The following CDH18 variants were observed in gnomAD, a reference collection of about 807,000 sequenced individuals.
CDH18 encodes the protein cadherin-18.
CDH18 carries 31 observed loss-of-function variants against 67.9 expected under a neutral mutation model. The ratio of observed to expected loss-of-function variants is 0.46; its 90% CI spans 0.34 to 0.62. The LOEUF (loss-of-function observed/expected upper bound fraction) is 0.62. CDH18 is among the 20% of genes least tolerant of loss of function. The pLI is 0.01. For synonymous variants in CDH18, 362 were observed against 347.2 expected (o/e 1.04, Z -0.48); for missense variants, 890 against 975.5 (o/e 0.91, Z 1.17).
chr5:19,723,692 AT>A (rs1766422483), intron 4 of CDH18, among the ~76,000 whole-genome samples: 1 of 152,024 alleles, frequency 6.6e-6, no homozygotes, highest in South Asian at 2.1e-4. Context: ...TGAATAGGGC[AT>A]TTTATTTTTT....
chr5:20,166,309 C>A (rs560283473), intron 2 of CDH18, among the ~76,000 whole-genome samples: 1 of 151,308 alleles, frequency 6.6e-6, no homozygotes. Flanking sequence ...GGCTTGATGG[C>A]GGGCACCTGT....
chr5:20,013,683 C>A (rs1407375876), intron 2 of CDH18, among the ~76,000 whole-genome samples: 2 of 152,040 alleles, frequency 1.3e-5, no homozygotes, highest in Admixed American at 6.6e-5. Flanking sequence ...ATAGATATTA[C>A]AATCAAGCAT....
intron 9 of CDH18, among the ~76,000 whole-genome samples, chr5:19,537,266 C>A (rs1330409995): frequency 1.3e-5 from 2 of 152,096 alleles, no homozygotes; most frequent in East Asian, 3.9e-4. Flanking sequence ...AGCAGTCTGC[C>A]TGCCTTCAGA....
intron 2 of CDH18, among the ~76,000 whole-genome samples, chr5:20,155,943 C>T (rs1199910759): frequency 1.3e-5 from 2 of 151,632 alleles, no homozygotes; most frequent in East Asian, 3.9e-4. Flanking sequence ...ATCTATTTTC[C>T]AAGAAGATAT....
intron 5 of CDH18, among the ~76,000 whole-genome samples, chr5:19,627,882 G>T (rs1416768693): frequency 2.0e-5 from 3 of 152,186 alleles, no homozygotes; most frequent in African/African-American, 4.8e-5. Flanking sequence ...AACCAGTGAT[G>T]ATATCAGAAT....
At chr5:20,262,356 C>G (rs1331182819) in intron 1 of CDH18, among the ~76,000 whole-genome samples, 1 of 152,162 alleles carries the variant, frequency 6.6e-6, no homozygotes, top group Non-Finnish European at 1.5e-5. Flanking sequence ...AATATGTTTT[C>G]ACAATGTTGG....
At chr5:19,699,654 G>GTGTC (rs1187867489) in intron 5 of CDH18, among the ~76,000 whole-genome samples, 1 of 151,612 alleles carries the variant, frequency 6.6e-6, no homozygotes, top group East Asian at 1.9e-4. Flanking sequence ...GTGTGTGTGT[G>GTGTC]TGTGTGTGTG....
intron 3 of CDH18, among the ~76,000 whole-genome samples, chr5:19,820,364 A>T (rs921247198): frequency 3.9e-5 from 6 of 152,158 alleles, no homozygotes; most frequent in African/African-American, 1.2e-4. Flanking sequence ...AGAAACCAAC[A>T]GGGGAGTGAC....
chr5:20,029,654 G>A (rs944648924), intron 2 of CDH18, among the ~76,000 whole-genome samples: 2 of 152,116 alleles, frequency 1.3e-5, no homozygotes, highest in Non-Finnish European at 2.9e-5. Context: ...TGGCTTTTCT[G>A]TGAAACAGAA....
At chr5:20,118,105 G>T (rs908808416) in intron 2 of CDH18, among the ~76,000 whole-genome samples, 1 of 152,102 alleles carries the variant, frequency 6.6e-6, no homozygotes, top group Non-Finnish European at 1.5e-5. Flanking sequence ...AAAAATAAAT[G>T]TCATTAGCAA....
intron 8 of CDH18, among the ~76,000 whole-genome samples, chr5:19,569,798 C>A (rs1014950659): frequency 6.6e-6 from 1 of 151,940 alleles, no homozygotes; most frequent in Non-Finnish European, 1.5e-5. Context: ...TGTAAAGAAA[C>A]GATACATATT....
chr5:20,114,384 G>T (rs1035151340), intron 2 of CDH18, among the ~76,000 whole-genome samples: 1 of 151,902 alleles, frequency 6.6e-6, no homozygotes, highest in Admixed American at 6.6e-5. Context: ...CCTGAGACCC[G>T]ATAATATTTA....
intron 1 of CDH18, among the ~76,000 whole-genome samples, chr5:20,278,923 G>T (rs553784081): frequency 6.6e-6 from 1 of 151,910 alleles, no homozygotes; most frequent in African/African-American, 2.4e-5. Context: ...TAAAATACAT[G>T]ACCAGAGAAA....
At chr5:20,395,340 G>T (rs752442697) in intron 1 of CDH18, among the ~76,000 whole-genome samples, 1 of 152,118 alleles carries the variant, frequency 6.6e-6, no homozygotes, top group Non-Finnish European at 1.5e-5. Context: ...CAGCTCAGGG[G>T]TGAAAAACCA....
chr5:20,472,985 G>GT (rs1752191782), intron 1 of CDH18, among the ~76,000 whole-genome samples: 1 of 152,142 alleles, frequency 6.6e-6, no homozygotes, highest in Non-Finnish European at 1.5e-5. Flanking sequence ...ATCATAAGCA[G>GT]TACATTACTT....
At chr5:19,709,914 C>A (rs920914741) in intron 5 of CDH18, among the ~76,000 whole-genome samples, 7 of 152,070 alleles carry the variant, frequency 4.6e-5, no homozygotes, top group African/African-American at 1.7e-4. Flanking sequence ...GTGGGTGGAT[C>A]ACCTGAGGTC....
intron 7 of CDH18, among the ~76,000 whole-genome samples, chr5:19,585,175 T>G (rs143238438): frequency 9.2e-4 from 140 of 152,298 alleles, no homozygotes; most frequent in East Asian, 2.5e-3. Flanking sequence ...TAATTAAATA[T>G]GTGCACACAC....
At chr5:20,451,121 A>T (rs1581023894) in intron 1 of CDH18, among the ~76,000 whole-genome samples, 1 of 152,162 alleles carries the variant, frequency 6.6e-6, no homozygotes, top group African/African-American at 2.4e-5. Flanking sequence ...CACATCGTTC[A>T]TTATTCTTTA....
At chr5:20,229,638 T>C (rs1741907451) in intron 2 of CDH18, among the ~76,000 whole-genome samples, 3 of 152,162 alleles carry the variant, frequency 2.0e-5, no homozygotes, top group Non-Finnish European at 2.9e-5. Flanking sequence ...ATTGATAATA[T>C]ACAAATACAT....
Sources: allele counts gnomAD v4.1 joint callset (sites outside exome capture counted in the v4.1 genomes callset), GRCh38; gene constraint gnomAD v4.1.1; transcripts MANE v1.5; gene names NCBI Gene and HGNC (gene_info 2026-07-23, HGNC 2026-07-21).